The following SLC1A6 variants were observed in gnomAD, a reference collection of about 807,000 sequenced individuals.
The protein encoded by SLC1A6 is solute carrier family 1 member 6.
A neutral mutation model predicts 42.1 loss-of-function variants in SLC1A6; 15 were observed. The ratio of observed to expected loss-of-function variants is 0.36; its 90% CI spans 0.24 to 0.55. The LOEUF (loss-of-function observed/expected upper bound fraction) is 0.55. Among genes scored for constraint, SLC1A6 ranks in the 20% least tolerant of loss-of-function variants. The pLI, the probability that SLC1A6 is intolerant of heterozygous loss-of-function variation, is 0.88. For synonymous variants in SLC1A6, 317 were observed against 319.7 expected (o/e 0.99, Z 0.09); for missense variants, 542 against 772.5 (o/e 0.70, Z 3.54).
At chr19:14,973,130 G>A in intron 1 of SLC1A6, 1 of 555,070 alleles carries the variant, frequency 1.8e-6, no homozygotes, top group Admixed American at 3.4e-5. Flanking sequence ...ACTGGCCTGG[G>A]CAGCTAGGGG....
At chr19:14,991,265 C>T (rs947973010) in intron 1 of SLC1A6, among the ~76,000 whole-genome samples, 1 of 152,024 alleles carries the variant, frequency 6.6e-6, no homozygotes, top group Admixed American at 6.6e-5. Flanking sequence ...CCTTTTGGGG[C>T]GATTGAAATG....
chr19:14,992,883 G>A (rs1302022429), intron 1 of SLC1A6, among the ~76,000 whole-genome samples: 6 of 152,138 alleles, frequency 3.9e-5, no homozygotes, highest in Admixed American at 3.3e-4. Context: ...CCGAGGAATT[G>A]AGGCTAATTC....
At chr19:14,988,689 C>T (rs974514637) in intron 1 of SLC1A6, among the ~76,000 whole-genome samples, 1 of 152,112 alleles carries the variant, frequency 6.6e-6, no homozygotes, top group African/African-American at 2.4e-5. Context: ...GAGCTGGAGG[C>T]CATTATCTTA....
chr19:14,995,333 AAAAAAAAAAAAG>A (rs1344040257), intron 1 of SLC1A6, among the ~76,000 whole-genome samples: 2 of 89,734 alleles, frequency 2.2e-5, no homozygotes, highest in Non-Finnish European at 4.6e-5. Flanking sequence ...CTCCAAAAAA[AAAAAAAAAAAAG>A]AAAGAAAGAA....
intron 1 of SLC1A6, among the ~76,000 whole-genome samples, chr19:14,992,529 G>A (rs1488635565): frequency 1.3e-5 from 2 of 151,986 alleles, no homozygotes; most frequent in Admixed American, 1.3e-4. Flanking sequence ...CAGGTGGTGC[G>A]CACCTGTAAT....
In SLC1A6 at chr19:14,968,437, G is replaced by A; in HGVS notation, c.414C>T (p.Thr138=). ...TGCCGATGAAGACCGCGATGATGGTGGTCACCATGTAGTACACAGCTGCCC... is the reference window on the plus strand; with the variant it reads ...TGCCGATGAAGACCGCGATGATGGTAGTCACCATGTAGTACACAGCTGCCC... ...GMRAAVYYMV[T]TIIAVFIGIL... The change falls in exon 4 of 10, where the codon ACC becomes ACT. Residue 138 remains threonine, a synonymous_variant. Coordinates refer to ENST00000594383, the MANE Select transcript of SLC1A6 (RefSeq NM_005071.3). 6.2e-7 allele frequency: 1 copy of A among 1,613,634 alleles called. No homozygotes were observed. Among genetic ancestry groups the A allele is most frequent in the Non-Finnish European group, 8.5e-7 (1 of 1,179,840 alleles).
chr19:14,985,371 A>AT (rs1203691145), intron 1 of SLC1A6, among the ~76,000 whole-genome samples: 1 of 151,968 alleles, frequency 6.6e-6, no homozygotes, highest in Non-Finnish European at 1.5e-5. Flanking sequence ...ACGGGGGTGG[A>AT]TTTTTTGTGA....
At chr19:14,993,042 G>A (rs959730977) in intron 1 of SLC1A6, among the ~76,000 whole-genome samples, 2 of 152,178 alleles carry the variant, frequency 1.3e-5, no homozygotes, top group Non-Finnish European at 2.9e-5. Context: ...AGCAGAGGAG[G>A]TGGGAGGAGG....
chr19:14,973,005 G>C lies in SLC1A6; in HGVS notation c.-7-88C>G, dbSNP rs150406596. The C allele has an allele frequency of 1.2e-3, 1,240 of 1,061,708 alleles. 15 individuals carry two copies. The South Asian group carries it at 0.012, about 10-fold the overall frequency. The allele number at this position is 1,061,708 out of a possible 1,614,324, so 65.8% of individuals were successfully genotyped here. On this transcript the variant is annotated intron_variant, in intron 1 of 9. Coordinates refer to ENST00000594383, the MANE Select transcript of SLC1A6 (RefSeq NM_005071.3). The stretch of plus-strand genomic sequence containing the variant: ...TGGCGAAGGCTGCGAAGGGTAATGA[G>C]CGCTTCCTGAGGACTCTCAGAAGGC...
intron 1 of SLC1A6, among the ~76,000 whole-genome samples, chr19:14,995,264 G>T (rs951507457): frequency 1.4e-5 from 2 of 145,490 alleles, no homozygotes; most frequent in African/African-American, 5.1e-5. Flanking sequence ...GGTGGAGGTT[G>T]CAGTGAGCCG....
At chr19:15,009,591 A>C (rs1237330130) in intron 1 of SLC1A6, among the ~76,000 whole-genome samples, 4 of 152,048 alleles carry the variant, frequency 2.6e-5, no homozygotes, top group Admixed American at 1.3e-4. Context: ...GAAAACAGAC[A>C]TTGGAGGCTC....
chr19:14,961,980 G>A (rs189133485), intron 6 of SLC1A6, 22 bp downstream of exon 6: 190 of 1,588,854 alleles, frequency 1.2e-4, no homozygotes, highest in Middle Eastern at 1.7e-4. Flanking sequence ...CCACCATCCC[G>A]TGGGCACAGA....
chr19:14,966,020 T>C (rs115051236), intron 4 of SLC1A6, among the ~76,000 whole-genome samples: 6,301 of 152,108 alleles, frequency 0.041, 279 homozygotes, highest in African/African-American at 0.099. Context: ...TAATGGACTT[T>C]AGAAACTCAG....
intron 1 of SLC1A6, among the ~76,000 whole-genome samples, chr19:15,002,631 C>A (rs1367464480): frequency 6.6e-6 from 1 of 152,196 alleles, no homozygotes; most frequent in African/African-American, 2.4e-5. Context: ...GAGGACCATT[C>A]AGGGCCATCT....
At chr19:14,982,302 G>T (rs1035243892), upstream of SLC1A6, among the ~76,000 whole-genome samples, 1 of 152,134 alleles carries the variant, frequency 6.6e-6, no homozygotes, top group Non-Finnish European at 1.5e-5. Context: ...GGCCGAGGTG[G>T]GCAAATCACT....
intron 1 of SLC1A6, among the ~76,000 whole-genome samples, chr19:15,007,439 T>C (rs1356294123): frequency 1.3e-5 from 2 of 152,102 alleles, no homozygotes; most frequent in Non-Finnish European, 2.9e-5. Context: ...TGGGGATTGG[T>C]GAAGTGTTCT....
chr19:15,005,525 C>CA (rs1009141684), intron 1 of SLC1A6, among the ~76,000 whole-genome samples: 26 of 151,838 alleles, frequency 1.7e-4, no homozygotes, highest in Admixed American at 1.3e-4. Context: ...AACAAAAAAA[C>CA]AAAAAAACCA....
At chr19:14,981,218 A>G (rs1461636601), upstream of SLC1A6, among the ~76,000 whole-genome samples, 3 of 151,858 alleles carry the variant, frequency 2.0e-5, no homozygotes, top group Non-Finnish European at 4.4e-5. Flanking sequence ...ACTTGAGCTT[A>G]GGAATTTGAG....
chr19:14,993,864 G>A (rs752946750), intron 1 of SLC1A6, among the ~76,000 whole-genome samples: 5 of 151,856 alleles, frequency 3.3e-5, no homozygotes, highest in Non-Finnish European at 7.4e-5. Flanking sequence ...AGATGCTTGT[G>A]TGCAGATGGG....
Sources: allele counts gnomAD v4.1 joint callset (sites outside exome capture counted in the v4.1 genomes callset), GRCh38; gene constraint gnomAD v4.1.1; transcripts MANE v1.5; gene names NCBI Gene and HGNC (gene_info 2026-07-23, HGNC 2026-07-21).